NKPD1: variants seen among roughly 807,000 people sequenced by gnomAD.
NKPD1 encodes the protein NTPase KAP family P-loop domain containing 1.
In NKPD1, 37 loss-of-function variants were observed where a neutral mutation model predicts 42.2. That is an observed-to-expected ratio of 0.88 (90% CI 0.67 to 1.15). NKPD1 has a LOEUF of 1.15. Ranked by LOEUF, NKPD1 falls within the 50% of genes most tolerant of loss-of-function variation. The pLI is 0.00. For missense variants in NKPD1, 1,113 were observed against 1,174.6 expected (o/e 0.95, Z 0.77); for synonymous variants, 552 against 536.5 (o/e 1.03, Z -0.40).
chr19:45,154,852 C>G (rs767245163), intron 4 of NKPD1, among the ~76,000 whole-genome samples: 1 of 151,988 alleles, frequency 6.6e-6, no homozygotes, highest in Non-Finnish European at 1.5e-5. Context: ...CGGTGAAACC[C>G]CATCGCTACT....
Position 45,152,742 on chromosome 19 carries a change from G to C in NKPD1, c.1695C>G (p.Asp565Glu). The stretch of plus-strand genomic sequence containing the variant: ...GCAGCTGCGCGCTCTCGCCCCCGGC[G>C]TCCCCCGGCAGCCACGGCTTGCGCG... Reference protein sequence around the residue: ...EMTRKPWLPGDAGGESAQLLA... With the variant: ...EMTRKPWLPGEAGGESAQLLA... The change falls in exon 5 of 5, where the codon GAC becomes GAG. Residue 565 changes from aspartate (D) to glutamate (E), a missense_variant. Physicochemically the swap from Asp to Glu is conservative, Grantham distance 45. This residue lies in a region of NKPD1 where 867 missense variants were observed against 870.1 expected (regional missense o/e 1.00). Coordinates refer to ENST00000686631, the MANE Select transcript of NKPD1 (RefSeq NM_198478.4). The C allele has an allele frequency of 6.3e-7, 1 of 1,592,204 alleles. No individual in the cohort carries two copies. The highest frequency in any genetic ancestry group is 8.5e-7 in the Non-Finnish European group (1 of 1,171,758).
intron 3 of NKPD1, among the ~76,000 whole-genome samples, 155 bp from the exon 4 acceptor site, chr19:45,156,071 T>C (rs749564601): frequency 3.9e-5 from 6 of 152,224 alleles, no homozygotes; most frequent in Admixed American, 6.5e-5. Flanking sequence ...TCTGTGGCCA[T>C]CAGTGGCCCT....
In NKPD1 at chr19:45,152,085, GT is replaced by G; in HGVS notation, c.2351del (p.Asn784ThrfsTer92). Reference sequence around the variant, plus strand: ...CCGACGGGGGCGCCCTGGAGGCGCTGTTGGCCCGGTGGGCAGCGTGGGGGGT... The same window carrying G: ...CCGACGGGGGCGCCCTGGAGGCGCTGTGGCCCGGTGGGCAGCGTGGGGGGT... Reference protein sequence around the residue: ...RDTPHAAHRANSASRAPPSGR... With the variant: ...RDTPHAAHRAXSASRAPPSGR... On this transcript the variant is annotated frameshift_variant, in exon 5 of 5. Transcript: ENST00000686631. LOFTEE classifies it low-confidence loss of function (END_TRUNC). The G allele has an allele frequency of 3.7e-6, 6 of 1,606,946 alleles. No individual in the cohort carries two copies. Among genetic ancestry groups the G allele is most frequent in the Non-Finnish European group, 5.1e-6 (6 of 1,177,586 alleles).
chr19:45,153,614 G>A lies in NKPD1; in HGVS notation c.823C>T (p.Gln275Ter). The A allele has an allele frequency of 1.3e-6, 2 of 1,577,464 alleles. No individual in the cohort carries two copies. Among genetic ancestry groups the A allele is most frequent in the South Asian group, 1.1e-5 (1 of 87,412 alleles). The change falls in exon 5 of 5, where the codon CAG (glutamine) becomes TAG (stop). Residue 275 changes from glutamine to a stop codon, truncating the protein, a stop_gained. Coordinates refer to ENST00000686631, the MANE Select transcript of NKPD1 (RefSeq NM_198478.4). LOFTEE classifies it high-confidence loss of function. ...GCGCTAAAGCGGATGAAAAGGAACTGCACGTTCCTGCGCCGCAGGTGCACC... is the reference window on the plus strand; with the variant it reads ...GCGCTAAAGCGGATGAAAAGGAACTACACGTTCCTGCGCCGCAGGTGCACC... ...TEVHLRRRNVQFLFIRFSAWQ... is the reference protein window; with the variant it reads ...TEVHLRRRNV
At chr19:45,153,811 A>AGACCCGCC in intron 4 of NKPD1, 36 bp from the exon 5 acceptor site, 1 of 1,412,880 alleles carries the variant, frequency 7.1e-7, no homozygotes, top group African/African-American at 1.5e-5. Context: ...CGTGAGCCGC[A>AGACCCGCC]GACCCGCCGG....
At position 45,151,603 on chromosome 19, in the gene NKPD1, AGCAGGATGGGGCAGGCCCTGTG is replaced by A. The variant is rs1327637198; in HGVS notation, c.*313_*334del. On this transcript the variant is annotated 3_prime_UTR_variant, in exon 5 of 5. Coordinates refer to ENST00000686631, the MANE Select transcript of NKPD1 (RefSeq NM_198478.4). Reference sequence around the variant, plus strand: ...ATGGTGCAGAGGAGTAAGTGGGCTTAGCAGGATGGGGCAGGCCCTGTGGCAGGACGGGGCAGGCCTGGTCCCT... The same window carrying A: ...ATGGTGCAGAGGAGTAAGTGGGCTTAGCAGGACGGGGCAGGCCTGGTCCCT... 2 of 268,264 alleles carry A rather than the reference AGCAGGATGGGGCAGGCCCTGTG, an allele frequency of 7.5e-6. No homozygotes were observed. The highest frequency in any genetic ancestry group is 1.4e-5 in the Non-Finnish European group (2 of 143,344). 16.6% of individuals were successfully genotyped at this position (268,264 alleles called of 1,614,324 possible). A position where few individuals can be genotyped will look rare whatever the true frequency, so the allele number is the denominator to read the frequency against.
rs148195725 is a variant in NKPD1, at chr19:45,151,088, TG to T, written c.*849del. On this transcript the variant is annotated 3_prime_UTR_variant, in exon 5 of 5. Transcript: ENST00000686631. ...CCCAGGGCTCTGCCCAGAGGGAAAG[TG>T]GGGGAGCCCTAGTGTAACCCCTCCT... The T allele has an allele frequency of 0.11, 16,897 of 152,676 alleles. 1,071 individuals carry two copies. Among genetic ancestry groups the T allele is most frequent in the Non-Finnish European group, 0.14 (9,231 of 68,334 alleles). 9.5% of individuals were successfully genotyped at this position (152,676 alleles called of 1,614,324 possible).
chr19:45,153,831 G>A, intron 4 of NKPD1, 56 bp from the exon 5 acceptor site: 1 of 1,401,264 alleles, frequency 7.1e-7, no homozygotes, highest in Non-Finnish European at 9.2e-7. Context: ...GGGTGGGCGG[G>A]GCCTAGTACG....
chr19:45,152,820 C>CTGCA lies in NKPD1; in HGVS notation c.1613_1616dup (p.Gln539HisfsTer317). ...GGCTCTGCACCGCATCGTGCAGGAA[C>CTGCA]TGCAGCTTGGTGCGGCGGCCCATAA... On this transcript the variant is annotated frameshift_variant, in exon 5 of 5. Transcript: ENST00000686631. LOFTEE classifies it low-confidence loss of function (END_TRUNC). 1 of 1,598,176 alleles carries CTGCA rather than the reference C, an allele frequency of 6.3e-7. No individual in the cohort carries two copies.
chr19:45,155,237 G>A (rs1968880493), intron 4 of NKPD1, among the ~76,000 whole-genome samples: 1 of 152,084 alleles, frequency 6.6e-6, no homozygotes, highest in Non-Finnish European at 1.5e-5. Context: ...AGAGTCACTT[G>A]AACCCGGGAG....
upstream of NKPD1, among the ~76,000 whole-genome samples, chr19:45,161,101 G>A (rs1021121850): frequency 3.3e-5 from 5 of 152,196 alleles, no homozygotes; most frequent in East Asian, 1.9e-4. Context: ...CTCTGCTCTC[G>A]AGGACTGGGA....
In NKPD1 at chr19:45,158,556, G is replaced by T; in HGVS notation, c.529+107C>A. 1 of 1,104,332 alleles carries T rather than the reference G, an allele frequency of 9.1e-7. No individual in the cohort carries two copies. The highest frequency in any genetic ancestry group is 1.1e-6 in the Non-Finnish European group (1 of 898,050). The allele number at this position is 1,104,332 out of a possible 1,614,324, so 68.4% of individuals were successfully genotyped here. ...CCCTCCTAGATAGGGAACAGGGTGT[G>T]GATGAAGAGGGCAGGTGCAAGATGC... On this transcript the variant is annotated intron_variant, in intron 3 of 4. Transcript: ENST00000686631. This position sits in a 1 kb window ranked among gnomAD's most constrained non-coding sequence, Gnocchi z 4.6.
In NKPD1 at chr19:45,153,040, G is replaced by A. The variant is rs1367701969; in HGVS notation, c.1397C>T (p.Pro466Leu). ...LEVTGLDTCY[P>L]ERVVGVLNAI... ...GTTGAGCACGCCCACCACGCGCTCCGGGTAGCACGTGTCCAGCCCGGTGAC... is the reference window on the plus strand; with the variant it reads ...GTTGAGCACGCCCACCACGCGCTCCAGGTAGCACGTGTCCAGCCCGGTGAC... The change falls in exon 5 of 5, where the codon CCG (proline) becomes CTG (leucine). Residue 466 changes from proline to leucine, a missense_variant. Pro to Leu is a moderately conservative substitution (Grantham distance 98). Coordinates refer to ENST00000686631, the MANE Select transcript of NKPD1 (RefSeq NM_198478.4). The A allele has an allele frequency of 1.9e-6, 3 of 1,585,270 alleles. No individual in the cohort carries two copies. The highest frequency in any genetic ancestry group is 1.8e-5 in the Admixed American group (1 of 56,094).
Position 45,153,496 on chromosome 19 carries a change from C to T in NKPD1, c.941G>A (p.Ser314Asn). The change falls in exon 5 of 5, where the codon AGC becomes AAC. Residue 314 changes from serine (S) to asparagine (N), a missense_variant. Coordinates refer to ENST00000686631, the MANE Select transcript of NKPD1 (RefSeq NM_198478.4). Reference protein sequence around the residue: ...IRRHYGALPFSVYSVLGNKPA... With the variant: ...IRRHYGALPFNVYSVLGNKPA... ...CTTGTTGCCCAGCACCGAGTACACG[C>T]TGAAGGGCAGTGCGCCATAGTGGCG... 1 of 1,557,366 alleles carries T rather than the reference C, an allele frequency of 6.4e-7. No homozygotes were observed.
Position 45,158,873 on chromosome 19 carries a change from G to C in NKPD1, c.319C>G (p.Gln107Glu). ...RQRLCPIHEAQKGLPATSTVP... is the reference protein window; with the variant it reads ...RQRLCPIHEAEKGLPATSTVP... ...GTGGAGGTTGCAGGCAGCCCCTTCT[G>C]GGCTTCGTGAATGGGGCAGAGCCGC... The change falls in exon 3 of 5, where the codon CAG becomes GAG. Residue 107 changes from glutamine (Q) to glutamate (E), a missense_variant. Physicochemically the swap from Gln to Glu is conservative, Grantham distance 29. Transcript: ENST00000686631. This position sits in a 1 kb window ranked among gnomAD's most constrained non-coding sequence, Gnocchi z 4.6. 1 of 1,285,292 alleles carries C rather than the reference G, an allele frequency of 7.8e-7. No individual in the cohort carries two copies. The highest frequency in any genetic ancestry group is 1.0e-6 in the Non-Finnish European group (1 of 979,444). 79.6% of individuals were successfully genotyped at this position (1,285,292 alleles called of 1,614,324 possible). A position where few individuals can be genotyped will look rare whatever the true frequency, so the allele number is the denominator to read the frequency against.
chr19:45,162,199 G>A (rs1178900443), upstream of NKPD1, among the ~76,000 whole-genome samples: 2 of 152,170 alleles, frequency 1.3e-5, no homozygotes, highest in East Asian at 3.9e-4. Context: ...ACAGTGGCCA[G>A]GAGGCTGCTG....
chr19:45,152,332 T>A lies in NKPD1; in HGVS notation c.2105A>T (p.His702Leu). The change falls in exon 5 of 5, where the codon CAC becomes CTC. Residue 702 changes from histidine to leucine, a missense_variant. Physicochemically the swap from His to Leu is moderately conservative, Grantham distance 99. This residue lies in a region of NKPD1 where 867 missense variants were observed against 870.1 expected (regional missense o/e 1.00). Coordinates refer to ENST00000686631, the MANE Select transcript of NKPD1 (RefSeq NM_198478.4). ...GTTCTGCAACGCCTTGGTCATGGTGTGCAGCTCGCGGCTGTTGTCGCGGAA... is the reference window on the plus strand; with the variant it reads ...GTTCTGCAACGCCTTGGTCATGGTGAGCAGCTCGCGGCTGTTGTCGCGGAA... ...DVFRDNSREL[H>L]TMTKALQNVL... 6.2e-7 allele frequency: 1 copy of A among 1,607,466 alleles called. No individual in the cohort carries two copies. The highest frequency in any genetic ancestry group is 8.5e-7 in the Non-Finnish European group (1 of 1,176,768).
At chr19:45,161,506 G>A (rs895013260), upstream of NKPD1, among the ~76,000 whole-genome samples, 5 of 152,220 alleles carry the variant, frequency 3.3e-5, no homozygotes, top group African/African-American at 1.2e-4. Flanking sequence ...CCATAGCCCC[G>A]TCTTCCTCTC....
rs1005240449 is a variant in NKPD1, at chr19:45,158,530, C to T, written c.529+133G>A. On this transcript the variant is annotated intron_variant, in intron 3 of 4. Transcript: ENST00000686631. The surrounding 1 kb of genome is among the most constrained non-coding windows in gnomAD (Gnocchi z 4.6). ...CCTGAGCCCCATGGCCAGGGACGCA[C>T]CCCTCCTAGATAGGGAACAGGGTGT... 3.9e-5 allele frequency: 40 copies of T among 1,014,996 alleles called. No homozygotes were observed. Among genetic ancestry groups the T allele is most frequent in the African/African-American group, 7.0e-5 (4 of 56,950 alleles). 62.9% of individuals were successfully genotyped at this position (1,014,996 alleles called of 1,614,324 possible).
Sources: allele counts gnomAD v4.1 joint callset (sites outside exome capture counted in the v4.1 genomes callset), GRCh38; gene constraint gnomAD v4.1.1; regional missense constraint gnomAD v4.1.1; non-coding constraint Gnocchi (gnomAD v3.1); transcripts MANE v1.5; gene names NCBI Gene and HGNC (gene_info 2026-07-23, HGNC 2026-07-21).